The following DNAH17 variants were observed in gnomAD, a reference collection of about 807,000 sequenced individuals.
DNAH17 encodes the protein axonemal beta dynein heavy chain 17.
Under a neutral mutation model 485.6 loss-of-function variants are expected in DNAH17, and 376 were observed. The observed-to-expected ratio is 0.77, with a 90% CI of 0.71 to 0.84. The LOEUF (loss-of-function observed/expected upper bound fraction) is 0.84, where lower values mean the gene tolerates loss of function less well. Among genes scored for constraint, DNAH17 ranks in the 40% least tolerant of loss-of-function variants. DNAH17 has a pLI of 0.00. For missense variants in DNAH17, 6,370 were observed against 5,839.3 expected, an observed-to-expected ratio of 1.09 and a Z score of -2.96; for synonymous variants, 3,031 against 2,405.9, an observed-to-expected ratio of 1.26 and a Z score of -7.60.
intron 69 of DNAH17, among the ~76,000 whole-genome samples, chr17:78,447,338 G>A (rs1187757935): frequency 6.6e-6 from 1 of 152,206 alleles, no homozygotes; most frequent in African/African-American, 2.4e-5. Context: ...GCCCAGAAGT[G>A]GAAGCCTGGG....
chr17:78,551,049 T>C (rs867533725), intron 16 of DNAH17, among the ~76,000 whole-genome samples: 3 of 152,142 alleles, frequency 2.0e-5, no homozygotes, highest in African/African-American at 7.2e-5. Flanking sequence ...TGAAACCTCA[T>C]CTCCACTAAA....
intron 54 of DNAH17, among the ~76,000 whole-genome samples, chr17:78,471,690 G>A (rs1022597906): frequency 7.2e-5 from 11 of 152,044 alleles, no homozygotes; most frequent in South Asian, 4.1e-4. Context: ...CACCGCTCCC[G>A]GCCCGTCTGG....
At chr17:78,535,924 T>C (rs1380225577) in intron 19 of DNAH17, among the ~76,000 whole-genome samples, 1 of 152,204 alleles carries the variant, frequency 6.6e-6, no homozygotes, top group Non-Finnish European at 1.5e-5. Context: ...TTTCAGATTT[T>C]TTTTTATTGC....
At chr17:78,479,377 A>G in intron 50 of DNAH17, 108 bp downstream of exon 50, 1 of 1,334,712 alleles carries the variant, frequency 7.5e-7, no homozygotes, top group Non-Finnish European at 9.9e-7. Context: ...TAAGATATTG[A>G]TTTAGAATTA....
chr17:78,484,143 T>G (rs1156277144), intron 48 of DNAH17, among the ~76,000 whole-genome samples: 2 of 145,050 alleles, frequency 1.4e-5, no homozygotes, highest in Non-Finnish European at 3.0e-5. Context: ...GAACTGAATG[T>G]TCTCATCTTT....
intron 49 of DNAH17, among the ~76,000 whole-genome samples, chr17:78,480,013 C>CCTTTT (rs2089277899): frequency 1.4e-5 from 1 of 70,518 alleles, no homozygotes; most frequent in African/African-American, 4.2e-5. Context: ...ACAACAAGTA[C>CCTTTT]TTTTTTTTTT....
Position 78,529,520 on chromosome 17 carries a change from G to A in DNAH17, c.3459C>T (p.Leu1153=), listed in dbSNP as rs774323845. ...CTGGCATCTCCTCCCCGTAGGTCTT[G>A]AGCAGCTCGATGGTTTGCTTCAGGG... ...FEPLKQTIEL[L]KTYGEEMPEE... is the part of the protein sequence containing the mutation. The change falls in exon 22 of 81, where the codon CTC becomes CTT. Residue 1153 remains leucine, a synonymous_variant. Transcript: ENST00000389840. The A allele has an allele frequency of 4.3e-5, 69 of 1,613,814 alleles. No individual in the cohort carries two copies. The highest frequency in any genetic ancestry group is 5.8e-5 in the Non-Finnish European group (68 of 1,179,892).
At chr17:78,473,380 T>C (rs986213796) in intron 54 of DNAH17, among the ~76,000 whole-genome samples, 4 of 151,734 alleles carry the variant, frequency 2.6e-5, no homozygotes, top group Non-Finnish European at 5.9e-5. Context: ...CCGTCTCTAC[T>C]AAAAATACAA....
At position 78,424,137 on chromosome 17, in the gene DNAH17, G is replaced by T. The variant is rs371346446; in HGVS notation, c.13158C>A (p.Thr4386=). The T allele has an allele frequency of 2.9e-5, 46 of 1,612,118 alleles. No individual in the cohort carries two copies. In the South Asian group the frequency reaches 4.7e-4, roughly 17 times the overall value. ...GCGCTTCAGCGATGACTCCAGTCTGGGTGTCCCAGCGAGCCCCTGCAGGGA... is the reference window on the plus strand; with the variant it reads ...GCGCTTCAGCGATGACTCCAGTCTGTGTGTCCCAGCGAGCCCCTGCAGGGA... ...GLFMEGARWD[T]QTGVIAEARL... is the part of the protein sequence containing the mutation. The change falls in exon 81 of 81, where the codon ACC becomes ACA. Residue 4386 remains threonine (T), a synonymous_variant. Coordinates refer to ENST00000389840, the MANE Select transcript of DNAH17 (RefSeq NM_173628.4).
chr17:78,549,950 A>G (rs570820724), intron 16 of DNAH17, among the ~76,000 whole-genome samples: 2 of 152,336 alleles, frequency 1.3e-5, no homozygotes, highest in African/African-American at 2.4e-5. Flanking sequence ...ACAGCCACAG[A>G]GGAGGCTGGG....
intron 58 of DNAH17, among the ~76,000 whole-genome samples, chr17:78,460,872 T>C (rs759756339): frequency 9.9e-5 from 15 of 152,268 alleles, no homozygotes; most frequent in Non-Finnish European, 2.1e-4. Flanking sequence ...CCTTCATTCA[T>C]GTACATACTC....
At chr17:78,551,723 G>T in intron 15 of DNAH17, 85 bp from the exon 16 acceptor site, 2 of 1,330,534 alleles carry the variant, frequency 1.5e-6, no homozygotes, top group East Asian at 4.6e-5. Flanking sequence ...CAGCCCTTTG[G>T]GAGGTCAGGG....
chr17:78,473,368 C>A (rs1246038491), intron 54 of DNAH17, among the ~76,000 whole-genome samples: 1 of 151,918 alleles, frequency 6.6e-6, no homozygotes, highest in East Asian at 1.9e-4. Flanking sequence ...CACGGTGAAA[C>A]CCCGTCTCTA....
chr17:78,427,009 C>A lies in DNAH17; in HGVS notation c.12688G>T (p.Val4230Phe). ...ATTCTTTCACATTCTTGAAAGGCGA[C>A]TACCACGTAGGGGGTCTTTTCCGCT... ...KAAEKTPYVV[V>F]AFQECERMNI... Residue 4230 changes from valine to phenylalanine, a missense_variant, in exon 78 of 81, where the codon GTC becomes TTC. Coordinates refer to ENST00000389840, the MANE Select transcript of DNAH17 (RefSeq NM_173628.4). The A allele has an allele frequency of 1.2e-6, 2 of 1,610,162 alleles. No homozygotes were observed. Among genetic ancestry groups the A allele is most frequent in the Non-Finnish European group, 1.7e-6 (2 of 1,178,322 alleles).
Position 78,477,691 on chromosome 17 carries a change from C to T in DNAH17, c.7993-958G>A, listed in dbSNP as rs144480520. On this transcript the variant is annotated intron_variant, in intron 51 of 80. Transcript: ENST00000389840. ...TGCACCCGGCTGGGCTGATACTTTA[C>T]GTGGGAGGAGGTGGGCATAACTTAG... Among the ~76,000 whole-genome samples, 35 of 152,254 alleles carry T rather than the reference C, an allele frequency of 2.3e-4. No homozygotes were observed. In the East Asian group the frequency reaches 6.5e-3, roughly 28 times the overall value.
Position 78,502,982 on chromosome 17 carries a change from G to T in DNAH17, c.4986C>A (p.Asp1662Glu). The T allele has an allele frequency of 6.2e-7, 1 of 1,613,822 alleles. No homozygotes were observed. Among genetic ancestry groups the T allele is most frequent in the Non-Finnish European group, 8.5e-7 (1 of 1,179,842 alleles). The change falls in exon 32 of 81, where the codon GAC becomes GAA. Residue 1662 changes from aspartate (D) to glutamate (E), a missense_variant. Asp to Glu is a conservative substitution (Grantham distance 45). Transcript: ENST00000389840. ...QVEVWLNRVLDRMCSTLRHEI... is the reference protein window; with the variant it reads ...QVEVWLNRVLERMCSTLRHEI... ...CGTGCCGGAGGGTAGAGCACATTCG[G>T]TCCAGCACTCGATTCAGCCACACTT...
chr17:78,487,075 A>G (rs17728420), intron 44 of DNAH17, among the ~76,000 whole-genome samples: 4,892 of 151,332 alleles, frequency 0.032, 120 homozygotes, highest in South Asian at 0.067. Flanking sequence ...ACAACCAGCA[A>G]TCCTTGAAGA....
intron 56 of DNAH17, among the ~76,000 whole-genome samples, chr17:78,465,012 T>C (rs952289639): frequency 1.3e-5 from 2 of 152,258 alleles, no homozygotes; most frequent in African/African-American, 4.8e-5. Flanking sequence ...ACTGTGCTGC[T>C]GCCATCTCGG....
intron 72 of DNAH17, among the ~76,000 whole-genome samples, chr17:78,439,694 G>A (rs2086993458): frequency 7.7e-6 from 1 of 129,632 alleles, no homozygotes; most frequent in African/African-American, 2.9e-5. Flanking sequence ...TTTTGAGATG[G>A]AGTCTCACTC....
Sources: allele counts gnomAD v4.1 joint callset (sites outside exome capture counted in the v4.1 genomes callset), GRCh38; gene constraint gnomAD v4.1.1; transcripts MANE v1.5; gene names NCBI Gene and HGNC (gene_info 2026-07-23, HGNC 2026-07-21).